Variants in TCF12 observed in about 807,000 individuals in gnomAD.
TCF12 encodes transcription factor 12, also known as DNA-binding protein HTF4.
A neutral mutation model predicts 86.0 loss-of-function variants in TCF12; 45 were observed. That is an observed-to-expected ratio of 0.52 (90% CI 0.41 to 0.67). The LOEUF is 0.67. Ranked by LOEUF, TCF12 falls within the 30% of genes least tolerant of loss-of-function variation. TCF12 has a pLI of 0.00. For synonymous variants in TCF12, 330 were observed against 299.6 expected (o/e 1.10, Z -1.05); for missense variants, 881 against 859.9 (o/e 1.02, Z -0.31).
chr15:56,964,748 G>C (rs1249689260), intron 3 of TCF12, among the ~76,000 whole-genome samples: 1 of 152,050 alleles, frequency 6.6e-6, no homozygotes, highest in Non-Finnish European at 1.5e-5. Context: ...TTGTACTCTT[G>C]TGCCTTATAA....
intron 3 of TCF12, among the ~76,000 whole-genome samples, chr15:57,000,411 T>C (rs1318089490): frequency 6.6e-6 from 1 of 151,848 alleles, no homozygotes; most frequent in Non-Finnish European, 1.5e-5. Flanking sequence ...AACACATGGG[T>C]CAATGAAGAA....
Position 56,950,859 on chromosome 15 carries a change from C to T in TCF12, c.148+29761C>T, listed in dbSNP as rs151126147. On this transcript the variant is annotated intron_variant, in intron 3 of 20. Coordinates refer to ENST00000333725, the MANE Select transcript of TCF12 (RefSeq NM_207037.2). ...ACAACCTCTTCCTCCCAGGTTCAAG[C>T]GATTCTCGTGCCTCAGCCTCCCGAG... Among the ~76,000 whole-genome samples, 1,095 of 146,220 alleles carry T rather than the reference C, an allele frequency of 7.5e-3. 15 individuals carry two copies. Among genetic ancestry groups the T allele is most frequent in the African/African-American group, 0.026 (1,046 of 39,494 alleles).
At chr15:57,188,531 C>G (rs2056807320) in intron 6 of TCF12, among the ~76,000 whole-genome samples, 2 of 152,054 alleles carry the variant, frequency 1.3e-5, no homozygotes, top group Non-Finnish European at 2.9e-5. Context: ...TGAAAAAGAA[C>G]AGTGTTGGAG....
intron 3 of TCF12, among the ~76,000 whole-genome samples, chr15:57,056,116 G>GGTGTGTGT (rs137934114): frequency 0.065 from 9,344 of 143,192 alleles, 390 homozygotes; most frequent in African/African-American, 0.12. Flanking sequence ...TAGTTTTAGG[G>GGTGTGTGT]GTGTGTGTGT....
intron 4 of TCF12, among the ~76,000 whole-genome samples, chr15:57,074,939 G>T (rs1341003839): frequency 6.6e-6 from 1 of 152,146 alleles, no homozygotes; most frequent in Non-Finnish European, 1.5e-5. Flanking sequence ...AGATTTTTGT[G>T]TCATGTATTT....
intron 6 of TCF12, among the ~76,000 whole-genome samples, chr15:57,189,900 A>G (rs1363675897): frequency 3.9e-5 from 6 of 152,246 alleles, no homozygotes; most frequent in Non-Finnish European, 7.3e-5. Context: ...ATATTATCCT[A>G]AAAAGGAATG....
intron 5 of TCF12, among the ~76,000 whole-genome samples, chr15:57,126,939 A>G (rs1243560829): frequency 8.6e-5 from 13 of 151,404 alleles, no homozygotes; most frequent in Non-Finnish European, 1.5e-5. Context: ...AAAACAATAA[A>G]TATATATTCT....
chr15:56,960,027 G>T (rs2061674610), intron 3 of TCF12, among the ~76,000 whole-genome samples: 1 of 152,098 alleles, frequency 6.6e-6, no homozygotes, highest in Non-Finnish European at 1.5e-5. Context: ...AAAAACCGCA[G>T]TTACTTTTGC....
At chr15:57,109,987 T>C (rs2050381285) in intron 5 of TCF12, among the ~76,000 whole-genome samples, 1 of 152,158 alleles carries the variant, frequency 6.6e-6, no homozygotes, top group Admixed American at 6.5e-5. Context: ...AGTTCTAATA[T>C]TTCTAATGAG....
At chr15:57,267,534 TA>T (rs1274072003) in intron 18 of TCF12, among the ~76,000 whole-genome samples, 1 of 152,220 alleles carries the variant, frequency 6.6e-6, no homozygotes, top group Non-Finnish European at 1.5e-5. Context: ...ACTTTCTCTG[TA>T]AAGTCCCAAA....
chr15:56,995,230 G>C (rs1275366283), intron 3 of TCF12, among the ~76,000 whole-genome samples: 1 of 13,754 alleles, frequency 7.3e-5, no homozygotes, highest in African/African-American at 2.0e-4. Flanking sequence ...GATACCTGCA[G>C]CTTTTTTTTT....
chr15:57,274,231 A>G (rs2061277341), intron 19 of TCF12, among the ~76,000 whole-genome samples: 1 of 151,008 alleles, frequency 6.6e-6, no homozygotes, highest in African/African-American at 2.4e-5. Context: ...CCTCAGCATT[A>G]GATTACAGAA....
chr15:57,133,828 CT>C (rs1166024257), intron 5 of TCF12, among the ~76,000 whole-genome samples: 1 of 152,148 alleles, frequency 6.6e-6, no homozygotes, highest in African/African-American at 2.4e-5. Flanking sequence ...GTGCTTTTCT[CT>C]TTTTACCTAT....
At chr15:57,213,981 C>G (rs2151831647) in intron 8 of TCF12, 1 of 152,250 alleles carries the variant, frequency 6.6e-6, no homozygotes, top group East Asian at 1.9e-4. Flanking sequence ...CACCTTTAGG[C>G]AGTCCTTTGA....
At chr15:57,089,007 A>G (rs1185444846) in intron 4 of TCF12, among the ~76,000 whole-genome samples, 1 of 152,206 alleles carries the variant, frequency 6.6e-6, no homozygotes, top group Non-Finnish European at 1.5e-5. Context: ...ACTGTGTGAA[A>G]GGAATGACAG....
At chr15:57,024,058 A>C (rs1385834705) in intron 3 of TCF12, among the ~76,000 whole-genome samples, 1 of 152,096 alleles carries the variant, frequency 6.6e-6, no homozygotes, top group African/African-American at 2.4e-5. Context: ...CCTGGTTCCT[A>C]ATAGGCCACA....
intron 4 of TCF12, among the ~76,000 whole-genome samples, chr15:57,084,166 T>C (rs182787814): frequency 8.5e-5 from 13 of 152,322 alleles, no homozygotes; most frequent in African/African-American, 3.1e-4. Flanking sequence ...TAAAAATATA[T>C]ACGAGCAGTT....
At chr15:57,096,966 G>A (rs1390508337) in intron 5 of TCF12, among the ~76,000 whole-genome samples, 4 of 152,070 alleles carry the variant, frequency 2.6e-5, no homozygotes, top group African/African-American at 9.7e-5. Flanking sequence ...CTGTATCTCA[G>A]AACTTAAAGG....
intron 17 of TCF12, among the ~76,000 whole-genome samples, chr15:57,262,896 A>G (rs540538181): frequency 6.6e-6 from 1 of 152,290 alleles, no homozygotes; most frequent in South Asian, 2.1e-4. Flanking sequence ...TGGGGGTCAG[A>G]CTTGTTCTTC....
Sources: allele counts gnomAD v4.1 joint callset (sites outside exome capture counted in the v4.1 genomes callset), GRCh38; gene constraint gnomAD v4.1.1; transcripts MANE v1.5; gene names NCBI Gene and HGNC (gene_info 2026-07-23, HGNC 2026-07-21).